RIPK2: variants seen among roughly 807,000 people sequenced by gnomAD.
The protein encoded by RIPK2 is receptor interacting serine/threonine kinase 2, also known as receptor-interacting serine/threonine-protein kinase 2.
Under a neutral mutation model 60.9 loss-of-function variants are expected in RIPK2, and 38 were observed. That is an observed-to-expected ratio of 0.62 (90% CI 0.48 to 0.82). RIPK2 has a LOEUF of 0.82. RIPK2 is among the 40% of genes least tolerant of loss of function. The pLI, the probability that RIPK2 is intolerant of heterozygous loss-of-function variation, is 0.00. For synonymous variants in RIPK2, 225 were observed against 223.4 expected, an observed-to-expected ratio of 1.01 and a Z score of -0.06; for missense variants, 518 against 647.0, an observed-to-expected ratio of 0.80 and a Z score of 2.16.
chr8:89,773,695 C>G (rs897231990), intron 6 of RIPK2, among the ~76,000 whole-genome samples: 2 of 151,982 alleles, frequency 1.3e-5, no homozygotes, highest in African/African-American at 4.8e-5. Flanking sequence ...CAGGAATATT[C>G]TAATTAAGGT....
intron 9 of RIPK2, among the ~76,000 whole-genome samples, chr8:89,787,030 G>C (rs566938184): frequency 9.9e-5 from 15 of 152,154 alleles, no homozygotes; most frequent in African/African-American, 3.4e-4. Flanking sequence ...GCCAGGCATG[G>C]TGGTGGGCAC....
chr8:89,779,310 G>GGTTTTTTTTTTTTT (rs1586128992), intron 6 of RIPK2, among the ~76,000 whole-genome samples: 2 of 79,112 alleles, frequency 2.5e-5, no homozygotes, highest in African/African-American at 1.2e-4. Context: ...CGGTTTTTGG[G>GGTTTTTTTTTTTTT]TTTTTTTTTT....
At chr8:89,783,032 C>T (rs1401314282) in intron 7 of RIPK2, among the ~76,000 whole-genome samples, 1 of 152,170 alleles carries the variant, frequency 6.6e-6, no homozygotes, top group Admixed American at 6.5e-5. Flanking sequence ...TATTGAACTG[C>T]TGTGTATAAC....
Position 89,790,939 on chromosome 8 carries a change from T to C in RIPK2, c.*523T>C, listed in dbSNP as rs1809666756. 1 of 152,050 alleles carries C rather than the reference T, an allele frequency of 6.6e-6. No homozygotes were observed. 9.4% of individuals were successfully genotyped at this position (152,050 alleles called of 1,614,324 possible). On this transcript the variant is annotated 3_prime_UTR_variant, in exon 11 of 11. Coordinates refer to ENST00000220751, the MANE Select transcript of RIPK2 (RefSeq NM_003821.6). Reference sequence around the variant, plus strand: ...CCCTTTAAAAATGATATTTCAAAGGTAAAACAATACAATATAAAGAAAAAA... The same window carrying C: ...CCCTTTAAAAATGATATTTCAAAGGCAAAACAATACAATATAAAGAAAAAA...
intron 3 of RIPK2, among the ~76,000 whole-genome samples, chr8:89,766,946 T>C (rs976719104): frequency 6.6e-6 from 1 of 151,758 alleles, no homozygotes; most frequent in South Asian, 2.1e-4. Context: ...TCCTCCCAGT[T>C]ATAGTTTGTC....
chr8:89,773,651 A>G (rs1392646832), intron 6 of RIPK2, among the ~76,000 whole-genome samples: 1 of 152,184 alleles, frequency 6.6e-6, no homozygotes, highest in Non-Finnish European at 1.5e-5. Flanking sequence ...GAGAAAGACA[A>G]AAGTGGAAGC....
In RIPK2 at chr8:89,786,659, G is replaced by A. The variant is rs764677295; in HGVS notation, c.1096G>A (p.Ala366Thr). 3 of 1,590,564 alleles carry A rather than the reference G, an allele frequency of 1.9e-6. No individual in the cohort carries two copies. The highest frequency in any genetic ancestry group is 1.7e-6 in the Non-Finnish European group (2 of 1,162,758). Reference protein sequence around the residue: ...GSPETSRSLPAPQDNDFLSRK... With the variant: ...GSPETSRSLPTPQDNDFLSRK... ...TCCTGAAACTTCAAGGTCCCTGCCA[G>A]CTCCTCAAGACAATGATTTTTTATC... The change falls in exon 9 of 11, where the codon GCT (alanine) becomes ACT (threonine). Residue 366 changes from alanine (A) to threonine (T), a missense_variant. Transcript: ENST00000220751.
chr8:89,789,244 G>C, intron 9 of RIPK2, 77 bp from the exon 10 acceptor site: 2 of 1,269,022 alleles, frequency 1.6e-6, no homozygotes, highest in Non-Finnish European at 1.1e-6. Context: ...CCTTCTGTCT[G>C]CTCAGATGTT....
chr8:89,788,359 A>AT (rs1346554310), intron 9 of RIPK2, among the ~76,000 whole-genome samples: 1 of 151,198 alleles, frequency 6.6e-6, no homozygotes, highest in Non-Finnish European at 1.5e-5. Flanking sequence ...AAAAAAAAAA[A>AT]GTTAAAACAA....
rs1402996813 is a variant in RIPK2, at chr8:89,757,829, A to C, written c.-232A>C. On this transcript the variant is annotated 5_prime_UTR_variant, in exon 1 of 11. Transcript: ENST00000220751. ...AGAGAGGAAGCTCTTTCGCGGCGCT[A>C]CGGCGTTGGCACCAGTCTCTAGAAA... 1 of 1,265,838 alleles carries C rather than the reference A, an allele frequency of 7.9e-7. No individual in the cohort carries two copies. Among genetic ancestry groups the C allele is most frequent in the Non-Finnish European group, 1.0e-6 (1 of 1,004,154 alleles). The allele number at this position is 1,265,838 out of a possible 1,614,324, so 78.4% of individuals were successfully genotyped here.
chr8:89,786,477 A>T, intron 8 of RIPK2, 116 bp from the exon 9 acceptor site: 1 of 692,836 alleles, frequency 1.4e-6, no homozygotes, highest in African/African-American at 1.8e-5. Flanking sequence ...CTGTCTGAAA[A>T]AAAAAAATTA....
chr8:89,757,849 T>TTC lies in RIPK2; in HGVS notation c.-212_-211insTC. ...GCGCTACGGCGTTGGCACCAGTCTC[T>TTC]AGAAAAGAAGTCAGCTCTGGTTCGG... is the stretch of plus-strand genomic sequence containing the variant. On this transcript the variant is annotated 5_prime_UTR_variant, in exon 1 of 11. Transcript: ENST00000220751. The TTC allele has an allele frequency of 7.5e-7, 1 of 1,325,550 alleles. No individual in the cohort carries two copies. The highest frequency in any genetic ancestry group is 9.6e-7 in the Non-Finnish European group (1 of 1,038,050). The allele number at this position is 1,325,550 out of a possible 1,614,324, so 82.1% of individuals were successfully genotyped here. A position where few individuals can be genotyped will look rare whatever the true frequency, so the allele number is the denominator to read the frequency against.
chr8:89,788,177 A>C (rs1809617470), intron 9 of RIPK2, among the ~76,000 whole-genome samples: 1 of 151,820 alleles, frequency 6.6e-6, no homozygotes, highest in Admixed American at 6.6e-5. Flanking sequence ...CCCCATCTCT[A>C]CTAAAAATAC....
At chr8:89,784,703 C>T (rs546241892) in intron 8 of RIPK2, among the ~76,000 whole-genome samples, 11 of 152,316 alleles carry the variant, frequency 7.2e-5, no homozygotes, top group African/African-American at 2.2e-4. Context: ...CATGATGCCA[C>T]AAGTGGAAAA....
At chr8:89,780,187 A>G (rs1274293926) in intron 7 of RIPK2, 27 bp downstream of exon 7, 5 of 1,191,654 alleles carry the variant, frequency 4.2e-6, no homozygotes, top group Non-Finnish European at 6.0e-6. Flanking sequence ...AATGCTGGAA[A>G]TTAGAAATTT....
At chr8:89,759,137 T>C (rs1809102477) in intron 1 of RIPK2, among the ~76,000 whole-genome samples, 1 of 152,266 alleles carries the variant, frequency 6.6e-6, no homozygotes, top group Admixed American at 6.5e-5. Flanking sequence ...CCACAATAAA[T>C]TGAACCAAAA....
chr8:89,758,252 TC>T lies in RIPK2; in HGVS notation c.173+22del. 2.5e-6 allele frequency: 4 copies of T among 1,582,810 alleles called. No homozygotes were observed. The highest frequency in any genetic ancestry group is 1.7e-5 in the Admixed American group (1 of 57,958). ...TCGACAGGTAGGCAGTCACTGGGGT[TC>T]CCTGGAAGAGCCCTCAACTCCTGCA... On this transcript the variant is annotated intron_variant, in intron 1 of 10. Coordinates refer to ENST00000220751, the MANE Select transcript of RIPK2 (RefSeq NM_003821.6).
intron 3 of RIPK2, among the ~76,000 whole-genome samples, chr8:89,766,461 G>A (rs180928288): frequency 6.6e-6 from 1 of 151,976 alleles, no homozygotes; most frequent in East Asian, 1.9e-4. Flanking sequence ...ATGTGTGAGA[G>A]ATCCAGCTAT....
chr8:89,787,657 A>C lies in RIPK2; in HGVS notation c.1123+971A>C, dbSNP rs549465802. Among the ~76,000 whole-genome samples the C allele has an allele frequency of 3.3e-5, 5 of 152,374 alleles. No homozygotes were observed. In the South Asian group the frequency reaches 1.0e-3, roughly 32 times the overall value. On this transcript the variant is annotated intron_variant, in intron 9 of 10. Coordinates refer to ENST00000220751, the MANE Select transcript of RIPK2 (RefSeq NM_003821.6). ...GAGCTAAGTAGATTGGAGTCATATCATCAAGAATTCTAACTTTCAGCTGAA... is the reference window on the plus strand; with the variant it reads ...GAGCTAAGTAGATTGGAGTCATATCCTCAAGAATTCTAACTTTCAGCTGAA...
Sources: gnomAD v4.1 joint callset for allele counts (sites outside exome capture counted in the v4.1 genomes callset) on GRCh38, gnomAD v4.1.1 for gene constraint, MANE v1.5 for transcripts, NCBI Gene and HGNC (gene_info 2026-07-23, HGNC 2026-07-21) for gene names.